DACH2: variants seen among roughly 807,000 people sequenced by gnomAD.
DACH2 encodes the protein dachshund family transcription factor 2, also known as dachshund homolog 2.
DACH2 carries 17 observed loss-of-function variants against 35.8 expected under a neutral mutation model. The observed-to-expected ratio is 0.48, with a 90% CI of 0.33 to 0.71. DACH2 has a LOEUF of 0.71. Ranked by LOEUF, DACH2 falls within the 30% of genes least tolerant of loss-of-function variation. The pLI is 0.02. For missense variants in DACH2, 469 were observed against 472.7 expected (o/e 0.99, Z 0.07); for synonymous variants, 195 against 177.3 (o/e 1.10, Z -0.79).
chrX:86,628,465 G>T (rs923957137), intron 3 of DACH2, among the ~76,000 whole-genome samples: 1 of 111,702 alleles, frequency 9.0e-6, no homozygotes, highest in African/African-American at 3.2e-5. Context: ...TCATAATTCG[G>T]GCTAGACAAA....
At chrX:86,639,051 C>T (rs970492872) in intron 3 of DACH2, among the ~76,000 whole-genome samples, 8 of 112,013 alleles carry the variant, frequency 7.1e-5, no homozygotes, top group African/African-American at 1.9e-4. Flanking sequence ...AATATGGTAG[C>T]GATGAGTGGC....
intron 2 of DACH2, among the ~76,000 whole-genome samples, chrX:86,453,794 A>G (rs2037425501): frequency 9.0e-6 from 1 of 111,319 alleles, no homozygotes; most frequent in East Asian, 2.8e-4. Context: ...TTTAACTGGG[A>G]CAATTAGCTC....
In DACH2 at chrX:86,438,477, C is replaced by T. The variant is rs915798284; in HGVS notation, c.527+61615C>T. On this transcript the variant is annotated intron_variant, in intron 2 of 11. Transcript: ENST00000373125. ...CTGCCCTCAGGTGATCCACCTGCCT[C>T]GACCTCCCAAAGTTCTGGAATTACA... Among the ~76,000 whole-genome samples the T allele has an allele frequency of 2.7e-5, 3 of 110,858 alleles. No homozygotes were observed. In the Admixed American group the frequency reaches 2.9e-4, roughly 11 times the overall value.
At chrX:86,798,044 A>G (rs1024514893) in intron 7 of DACH2, among the ~76,000 whole-genome samples, 5 of 112,561 alleles carry the variant, frequency 4.4e-5, no homozygotes, top group Non-Finnish European at 9.4e-5. Flanking sequence ...TCTAAAGTTA[A>G]CAAACTGGTT....
intron 1 of DACH2, among the ~76,000 whole-genome samples, chrX:86,319,410 CAT>C (rs2034975414): frequency 9.0e-6 from 1 of 111,615 alleles, no homozygotes; most frequent in African/African-American, 3.3e-5. Flanking sequence ...GTCTCAATTA[CAT>C]GTCATAGCTC....
intron 5 of DACH2, among the ~76,000 whole-genome samples, chrX:86,704,484 A>C (rs2041186194): frequency 8.9e-6 from 1 of 111,825 alleles, no homozygotes; most frequent in Admixed American, 9.5e-5. Flanking sequence ...GCACAGCAAA[A>C]GTAATAATCT....
chrX:86,289,213 T>C (rs2034217950), intron 1 of DACH2, among the ~76,000 whole-genome samples: 1 of 107,430 alleles, frequency 9.3e-6, no homozygotes. Flanking sequence ...GCCTCATGAC[T>C]GACCAGTGCC....
At chrX:86,197,723 C>A (rs1173665742) in intron 1 of DACH2, among the ~76,000 whole-genome samples, 1 of 111,600 alleles carries the variant, frequency 9.0e-6, no homozygotes, top group Non-Finnish European at 1.9e-5. Flanking sequence ...ACCTAAGTAT[C>A]CTAAATATAT....
At chrX:86,154,882 A>G (rs1480845123) in intron 1 of DACH2, among the ~76,000 whole-genome samples, 2 of 111,771 alleles carry the variant, frequency 1.8e-5, no homozygotes, top group Non-Finnish European at 3.8e-5. Context: ...CTGCTAGAAC[A>G]ACTAAATTTA....
At chrX:86,720,770 G>A (rs1187019978) in intron 6 of DACH2, among the ~76,000 whole-genome samples, 1 of 112,597 alleles carries the variant, frequency 8.9e-6, no homozygotes, top group Non-Finnish European at 1.9e-5. Flanking sequence ...CTGTGTGGGG[G>A]TCACATGACA....
intron 7 of DACH2, among the ~76,000 whole-genome samples, chrX:86,812,059 G>A (rs1333768440): frequency 9.0e-6 from 1 of 111,512 alleles, no homozygotes; most frequent in Non-Finnish European, 1.9e-5. Context: ...AATCCAAATA[G>A]TCATCAACTA....
intron 3 of DACH2, among the ~76,000 whole-genome samples, chrX:86,542,381 A>G (rs182204753): frequency 9.0e-6 from 1 of 111,360 alleles, no homozygotes; most frequent in East Asian, 2.8e-4. Flanking sequence ...TCTAGGTCTT[A>G]TGAAGCCAAA....
intron 1 of DACH2, among the ~76,000 whole-genome samples, chrX:86,270,664 T>C (rs896078994): frequency 8.9e-6 from 1 of 112,433 alleles, no homozygotes; most frequent in Non-Finnish European, 1.9e-5. Context: ...CCACCCTTTA[T>C]ATTTTCTACA....
intron 6 of DACH2, among the ~76,000 whole-genome samples, chrX:86,722,877 C>A (rs755892785): frequency 7.1e-4 from 79 of 111,268 alleles, no homozygotes; most frequent in Middle Eastern, 9.2e-3. Context: ...GGGATAATTT[C>A]CTCCTCCTCA....
At chrX:86,630,983 A>G (rs2040194585) in intron 3 of DACH2, among the ~76,000 whole-genome samples, 1 of 112,171 alleles carries the variant, frequency 8.9e-6, no homozygotes, top group Non-Finnish European at 1.9e-5. Context: ...GTAACTCAAC[A>G]GATATTTGCA....
At chrX:86,591,032 T>C (rs1243496147) in intron 3 of DACH2, among the ~76,000 whole-genome samples, 2 of 110,055 alleles carry the variant, frequency 1.8e-5, no homozygotes, top group African/African-American at 6.6e-5. Context: ...CCATGTGTTC[T>C]CATTGTTCAA....
chrX:86,621,609 C>G (rs140405170), intron 3 of DACH2, among the ~76,000 whole-genome samples: 6,893 of 111,255 alleles, frequency 0.062, 192 homozygotes, highest in East Asian at 0.14. Context: ...CAATTCTCTG[C>G]CTTATTACTT....
chrX:86,164,516 TG>T (rs772570042), intron 1 of DACH2, among the ~76,000 whole-genome samples: 3 of 111,507 alleles, frequency 2.7e-5, no homozygotes, highest in Non-Finnish European at 5.7e-5. Flanking sequence ...CCCGTTCCTA[TG>T]TCCAGGATGG....
intron 11 of DACH2, among the ~76,000 whole-genome samples, chrX:86,820,626 C>A (rs1444557027): frequency 9.0e-6 from 1 of 111,034 alleles, no homozygotes; most frequent in African/African-American, 3.3e-5. Context: ...ACTGCAAAAG[C>A]AGCAAATATC....
Sources: gnomAD v4.1 joint callset for allele counts (sites outside exome capture counted in the v4.1 genomes callset) on GRCh38, gnomAD v4.1.1 for gene constraint, MANE v1.5 for transcripts, NCBI Gene and HGNC (gene_info 2026-07-23, HGNC 2026-07-21) for gene names.